ACOX3: variants seen among roughly 807,000 people sequenced by gnomAD.
The protein encoded by ACOX3 is acyl-CoA oxidase 3, pristanoyl, also known as peroxisomal acyl-coenzyme A oxidase 3.
Under a neutral mutation model 81.5 loss-of-function variants are expected in ACOX3, and 73 were observed. The observed-to-expected ratio is 0.90, with a 90% CI of 0.74 to 1.09. ACOX3 has a LOEUF of 1.09. Among genes scored for constraint, ACOX3 ranks in the 50% least tolerant of loss-of-function variants. The pLI is 0.00. For synonymous variants in ACOX3, 387 were observed against 375.1 expected (o/e 1.03, Z -0.37); for missense variants, 947 against 928.0 (o/e 1.02, Z -0.27).
In ACOX3 at chr4:8,366,959, C is replaced by A; in HGVS notation, c.*2G>T. ...GACTTGGCTGAATGTGTGCCAGTCC[C>A]ACTAGAGCTTCGATTTCAGACTTCC... On this transcript the variant is annotated 3_prime_UTR_variant, in exon 18 of 18. Transcript: ENST00000356406. 6.2e-7 allele frequency: 1 copy of A among 1,613,708 alleles called. No individual in the cohort carries two copies. The highest frequency in any genetic ancestry group is 8.5e-7 in the Non-Finnish European group (1 of 1,179,806).
intron 1 of ACOX3, among the ~76,000 whole-genome samples, chr4:8,435,509 A>C (rs1350087824): frequency 6.6e-6 from 1 of 152,060 alleles, no homozygotes; most frequent in Non-Finnish European, 1.5e-5. Flanking sequence ...AAAAAGAAAA[A>C]AAAAAAAGAA....
intron 11 of ACOX3, among the ~76,000 whole-genome samples, chr4:8,391,615 C>T (rs774019468): frequency 2.6e-5 from 4 of 152,222 alleles, no homozygotes; most frequent in Non-Finnish European, 4.4e-5. Flanking sequence ...TCATTGGGCA[C>T]GCACTACATG....
At chr4:8,373,169 AGGTGTGTGAGAGGGCCTG>A (rs1336396356) in intron 16 of ACOX3, among the ~76,000 whole-genome samples, 1 of 152,208 alleles carries the variant, frequency 6.6e-6, no homozygotes, top group Non-Finnish European at 1.5e-5. Context: ...TAGCTGCAAA[AGGTGTGTGAGAGGGCCTG>A]GGTGTGTGCA....
intron 14 of ACOX3, among the ~76,000 whole-genome samples, chr4:8,377,904 A>C (rs953518454): frequency 6.6e-6 from 1 of 152,136 alleles, no homozygotes; most frequent in Non-Finnish European, 1.5e-5. Context: ...GAGAGTGCTC[A>C]CGGCACCCAG....
intron 1 of ACOX3, among the ~76,000 whole-genome samples, chr4:8,427,453 C>A (rs936891325): frequency 2.6e-5 from 4 of 152,222 alleles, no homozygotes; most frequent in African/African-American, 4.8e-5. Context: ...CTTCCACCCC[C>A]CTCCAGATCC....
intron 16 of ACOX3, 119 bp from the exon 17 acceptor site, chr4:8,371,113 C>A: frequency 2.4e-6 from 2 of 833,966 alleles, no homozygotes; most frequent in African/African-American, 3.3e-5. Context: ...CTGAGCGGCA[C>A]GTGCGGCTCT....
rs967506349 is a variant in ACOX3, at chr4:8,414,554, C to T, written c.454-173G>A. ...TCATGCTGCCACACTCAGCTGGCAACCACAGCAGCCTAAACCAAGCTGACC... is the reference window on the plus strand; with the variant it reads ...TCATGCTGCCACACTCAGCTGGCAATCACAGCAGCCTAAACCAAGCTGACC... On this transcript the variant is annotated intron_variant, in intron 4 of 17. Coordinates refer to ENST00000356406, the MANE Select transcript of ACOX3 (RefSeq NM_003501.3). This position sits in a 1 kb window ranked among gnomAD's most constrained non-coding sequence, Gnocchi z 6.1. Among the ~76,000 whole-genome samples, 12 of 152,202 alleles carry T rather than the reference C, an allele frequency of 7.9e-5. No homozygotes were observed. Among genetic ancestry groups the T allele is most frequent in the African/African-American group, 2.9e-4 (12 of 41,440 alleles).
intron 9 of ACOX3, among the ~76,000 whole-genome samples, chr4:8,395,712 C>T (rs912424375): frequency 6.6e-6 from 1 of 152,218 alleles, no homozygotes; most frequent in South Asian, 2.1e-4. Context: ...CTCTCTTGAC[C>T]GCCGAGCTGC....
chr4:8,390,102 C>CAA (rs773204173), intron 11 of ACOX3, among the ~76,000 whole-genome samples: 1,239 of 83,578 alleles, frequency 0.015, 76 homozygotes, highest in African/African-American at 0.07. Context: ...GACCCTGTCT[C>CAA]AACAACAACA....
intron 14 of ACOX3, among the ~76,000 whole-genome samples, chr4:8,376,348 TA>T (rs61689829): frequency 3.6e-4 from 54 of 148,582 alleles, no homozygotes; most frequent in Non-Finnish European, 3.4e-4. Context: ...CTTTTAAAAT[TA>T]AAAAAAAAAA....
Position 8,392,398 on chromosome 4 carries a change from G to A in ACOX3, c.1235C>T (p.Ser412Leu), listed in dbSNP as rs759241743. ...CTGAATTCCTTGCTGGGTGGTCCAC[G>A]AGGCCAGGGGCTTGCTGGCCGATGC... ...ALASASKPLA[S>L]WTTQQGIQEC... The change falls in exon 11 of 18, where the codon TCG becomes TTG. Residue 412 changes from serine (S) to leucine (L), a missense_variant. By Grantham distance (145) the Ser-to-Leu change is moderately radical. Coordinates refer to ENST00000356406, the MANE Select transcript of ACOX3 (RefSeq NM_003501.3). 6.8e-6 allele frequency: 11 copies of A among 1,609,076 alleles called. No homozygotes were observed. Among genetic ancestry groups the A allele is most frequent in the Admixed American group, 1.7e-5 (1 of 58,458 alleles).
rs1578846745 is a variant in ACOX3 at position 8,370,114 on chromosome 4, G to A, written c.1983+794C>T. Among the ~76,000 whole-genome samples, 2 of 152,226 alleles carry A rather than the reference G, an allele frequency of 1.3e-5. No individual in the cohort carries two copies. Among genetic ancestry groups the A allele is most frequent in the African/African-American group, 4.8e-5 (2 of 41,464 alleles). On this transcript the variant is annotated intron_variant, in intron 17 of 17. Transcript: ENST00000356406. This position sits in a 1 kb window ranked among gnomAD's most constrained non-coding sequence, Gnocchi z 6.3. Reference sequence around the variant, plus strand: ...TGGAGGCCAGAGAAGGCCTCTCCAAGGCAGCAATAGTCAGCTTATACTGAA... The same window carrying A: ...TGGAGGCCAGAGAAGGCCTCTCCAAAGCAGCAATAGTCAGCTTATACTGAA...
rs1225392557 is a variant in ACOX3 at position 8,432,391 on chromosome 4, G to A, written c.-15+8257C>T. Among the ~76,000 whole-genome samples the A allele has an allele frequency of 3.9e-5, 6 of 151,964 alleles. No individual in the cohort carries two copies. The highest frequency in any genetic ancestry group is 6.6e-5 in the Admixed American group (1 of 15,266). On this transcript the variant is annotated intron_variant, in intron 1 of 17. Transcript: ENST00000356406. This position sits in a 1 kb window ranked among gnomAD's most constrained non-coding sequence, Gnocchi z 6.2. ...TGGGACTACAGGCGCCCACCACCAC[G>A]CCCGGCTAATTTTTTGTATTTTTAG... is the stretch of plus-strand genomic sequence containing the variant.
rs1037056565 is a variant in ACOX3 at position 8,385,897 on chromosome 4, G to A, written c.1537+3276C>T. Among the ~76,000 whole-genome samples, 3 of 152,224 alleles carry A rather than the reference G, an allele frequency of 2.0e-5. No individual in the cohort carries two copies. Among genetic ancestry groups the A allele is most frequent in the Non-Finnish European group, 4.4e-5 (3 of 68,038 alleles). Reference sequence around the variant, plus strand: ...TGGCAGAACCCACAAGCTTCCCTGCGGCGTGAGGGATAATGGCGGTCTCTC... The same window carrying A: ...TGGCAGAACCCACAAGCTTCCCTGCAGCGTGAGGGATAATGGCGGTCTCTC... On this transcript the variant is annotated intron_variant, in intron 13 of 17. Coordinates refer to ENST00000356406, the MANE Select transcript of ACOX3 (RefSeq NM_003501.3). This position sits in a 1 kb window ranked among gnomAD's most constrained non-coding sequence, Gnocchi z 5.5.
At position 8,385,578 on chromosome 4, in the gene ACOX3, C is replaced by G. The variant is rs1718208844; in HGVS notation, c.1537+3595G>C. 6.6e-6 allele frequency among the ~76,000 whole-genome samples: 1 copy of G among 152,244 alleles called. No individual in the cohort carries two copies. Among genetic ancestry groups the G allele is most frequent in the South Asian group, 2.1e-4 (1 of 4,836 alleles). On this transcript the variant is annotated intron_variant, in intron 13 of 17. Coordinates refer to ENST00000356406, the MANE Select transcript of ACOX3 (RefSeq NM_003501.3). This position sits in a 1 kb window ranked among gnomAD's most constrained non-coding sequence, Gnocchi z 5.5. ...GCCCCCAAGGCACAGGGCTGTGACA[C>G]TCAGCTCAGTGCAAAAATGCCTGTG...
the ACOX3 span, chr4:8,357,432 G>T: frequency 5.7e-6 from 2 of 353,680 alleles, no homozygotes; most frequent in South Asian, 4.3e-5. Flanking sequence ...AAATTGGAGG[G>T]GCAACTATTT....
rs781701724 is a variant in ACOX3, at chr4:8,389,010, T to C, written c.1537+163A>G. ...TAACTCGGCGTCAGGCACAAAGAGA[T>C]AGTCCATGAGCCAGCCCAGGACAAG... On this transcript the variant is annotated intron_variant, in intron 13 of 17. Transcript: ENST00000356406. The surrounding 1 kb of genome is among the most constrained non-coding windows in gnomAD (Gnocchi z 5.3). Among the ~76,000 whole-genome samples the C allele has an allele frequency of 6.6e-6, 1 of 152,128 alleles. No homozygotes were observed. The highest frequency in any genetic ancestry group is 1.5e-5 in the Non-Finnish European group (1 of 68,028).
chr4:8,408,675 T>C (rs980718756), intron 6 of ACOX3, among the ~76,000 whole-genome samples: 4 of 152,166 alleles, frequency 2.6e-5, no homozygotes, highest in African/African-American at 9.7e-5. Context: ...ATATTTGGCC[T>C]TGTCCCTGCT....
At chr4:8,361,824 C>T (rs1578834745), downstream of ACOX3, among the ~76,000 whole-genome samples, 2 of 152,158 alleles carry the variant, frequency 1.3e-5, no homozygotes, top group African/African-American at 4.8e-5. Flanking sequence ...TTATTTGGTA[C>T]AAAAATTGCT....
Sources: allele counts gnomAD v4.1 joint callset (sites outside exome capture counted in the v4.1 genomes callset), GRCh38; gene constraint gnomAD v4.1.1; non-coding constraint Gnocchi (gnomAD v3.1); transcripts MANE v1.5; gene names NCBI Gene and HGNC (gene_info 2026-07-23, HGNC 2026-07-21).